The following WNT2B variants were observed in gnomAD, a reference collection of about 807,000 sequenced individuals.
The protein encoded by WNT2B is Wnt family member 2B.
WNT2B carries 19 observed loss-of-function variants against 40.5 expected under a neutral mutation model. The ratio of observed to expected loss-of-function variants is 0.47; its 90% CI spans 0.33 to 0.69. WNT2B has a LOEUF of 0.69. Among genes scored for constraint, WNT2B ranks in the 30% least tolerant of loss-of-function variants. WNT2B has a pLI of 0.02. For synonymous variants in WNT2B, 220 were observed against 211.9 expected (o/e 1.04, Z -0.33); for missense variants, 467 against 556.4 (o/e 0.84, Z 1.62).
At position 112,520,479 on chromosome 1, in the gene WNT2B, C is replaced by G. The variant is rs1652813354; in HGVS notation, c.1146C>G (p.Pro382=). The stretch of plus-strand genomic sequence containing the variant: ...TGGACGTCCATACTTGCAAAGCCCC[C>G]AAGAAGGCAGAGTGGCTGGACCAAA... ...NTVDVHTCKA[P]KKAEWLDQT The change falls in exon 5 of 5, where the codon CCC becomes CCG. Residue 382 remains proline, a synonymous_variant. Transcript: ENST00000369684. The G allele has an allele frequency of 6.2e-7, 1 of 1,614,160 alleles. No individual in the cohort carries two copies. Among genetic ancestry groups the G allele is most frequent in the Non-Finnish European group, 8.5e-7 (1 of 1,180,008 alleles).
In WNT2B at chr1:112,526,240, CTT is replaced by C; in HGVS notation, c.*5734_*5735del. Reference sequence around the variant, plus strand: ...TCCTGAACCTTATCAACCAATGGCTCTTTTGCCATTTCTGCCACTATTACCAC... The same window carrying C: ...TCCTGAACCTTATCAACCAATGGCTCTTGCCATTTCTGCCACTATTACCAC... On this transcript the variant is annotated 3_prime_UTR_variant, in exon 5 of 5. Coordinates refer to ENST00000369684, the MANE Select transcript of WNT2B (RefSeq NM_024494.3). 1 of 1,290,998 alleles carries C rather than the reference CTT, an allele frequency of 7.7e-7. No individual in the cohort carries two copies. The highest frequency in any genetic ancestry group is 1.1e-6 in the Non-Finnish European group (1 of 940,102). The allele number at this position is 1,290,998 out of a possible 1,614,324, so 80.0% of individuals were successfully genotyped here.
chr1:112,468,549 C>T (rs991612227), intron 1 of WNT2B, among the ~76,000 whole-genome samples: 1 of 152,090 alleles, frequency 6.6e-6, no homozygotes, highest in African/African-American at 2.4e-5. Context: ...CCTAATGATT[C>T]ATGACATTGA....
At chr1:112,496,239 C>T (rs572404204) in intron 1 of WNT2B, among the ~76,000 whole-genome samples, 7 of 152,244 alleles carry the variant, frequency 4.6e-5, no homozygotes, top group African/African-American at 9.6e-5. Flanking sequence ...TTTAGCCTCC[C>T]GAGTAGCTAG....
intron 1 of WNT2B, among the ~76,000 whole-genome samples, chr1:112,473,228 G>A (rs1347654989): frequency 2.1e-5 from 3 of 143,834 alleles, no homozygotes; most frequent in Non-Finnish European, 4.6e-5. Context: ...GGAAAGGAAG[G>A]AAGGAAGGAA....
chr1:112,472,233 A>T (rs1650902417), intron 1 of WNT2B, among the ~76,000 whole-genome samples: 1 of 152,180 alleles, frequency 6.6e-6, no homozygotes, highest in Non-Finnish European at 1.5e-5. Flanking sequence ...GAGTCTTGGG[A>T]GGGAAGAGTA....
intron 1 of WNT2B, among the ~76,000 whole-genome samples, chr1:112,494,623 A>G (rs1651710516): frequency 6.6e-6 from 1 of 151,558 alleles, no homozygotes; most frequent in Non-Finnish European, 1.5e-5. Flanking sequence ...ATTGAGATAT[A>G]AAAACCACTA....
chr1:112,486,479 CTA>C (rs1651421982), intron 1 of WNT2B, among the ~76,000 whole-genome samples: 1 of 152,060 alleles, frequency 6.6e-6, no homozygotes, highest in African/African-American at 2.4e-5. Flanking sequence ...ACCAAAAGCA[CTA>C]CCCATAAAGA....
intron 1 of WNT2B, among the ~76,000 whole-genome samples, chr1:112,499,815 C>A (rs781728571): frequency 1.3e-5 from 2 of 152,188 alleles, no homozygotes; most frequent in Non-Finnish European, 2.9e-5. Context: ...AATCATCCAA[C>A]AATCATATAT....
intron 1 of WNT2B, among the ~76,000 whole-genome samples, chr1:112,481,885 G>A (rs1291656672): frequency 4.0e-5 from 6 of 151,848 alleles, no homozygotes; most frequent in South Asian, 2.1e-4. Flanking sequence ...GGTGGCTCAC[G>A]TCTGTAATCC....
intron 1 of WNT2B, among the ~76,000 whole-genome samples, chr1:112,513,550 G>T (rs539859277): frequency 6.7e-6 from 1 of 149,424 alleles, no homozygotes; most frequent in East Asian, 2.0e-4. Flanking sequence ...ATGCAGGGGG[G>T]TGGTGGGGGG....
At chr1:112,489,720 G>A (rs1651539395) in intron 1 of WNT2B, among the ~76,000 whole-genome samples, 1 of 152,096 alleles carries the variant, frequency 6.6e-6, no homozygotes, top group African/African-American at 2.4e-5. Context: ...ATCATGTGTG[G>A]GAGCAGATGT....
intron 1 of WNT2B, among the ~76,000 whole-genome samples, chr1:112,503,714 A>C (rs941477617): frequency 2.0e-5 from 3 of 152,178 alleles, no homozygotes; most frequent in African/African-American, 7.2e-5. Flanking sequence ...ACAGGGATTC[A>C]GAAAGAGAAG....
In WNT2B at chr1:112,524,151, C is replaced by T. The variant is rs535595276; in HGVS notation, c.*3642C>T. ...GAGTAATTTCTTCTCCTTTGTCTCA[C>T]TTCCCTTATCAAGAACACCAACCAG... On this transcript the variant is annotated 3_prime_UTR_variant, in exon 5 of 5. Coordinates refer to ENST00000369684, the MANE Select transcript of WNT2B (RefSeq NM_024494.3). 1 of 152,744 alleles carries T rather than the reference C, an allele frequency of 6.5e-6. No individual in the cohort carries two copies. The highest frequency in any genetic ancestry group is 1.9e-4 in the East Asian group (1 of 5,188). The allele number at this position is 152,744 out of a possible 1,614,324, so 9.5% of individuals were successfully genotyped here.
chr1:112,491,146 G>A lies in WNT2B; in HGVS notation c.-95+23555G>A, dbSNP rs147013792. On this transcript the variant is annotated intron_variant, in intron 1 of 4. Transcript: ENST00000256640. ...AATAAATTGGCCTGCACGGTGGCTC[G>A]TGCCTGTAATCCCAGCACTTTCAGA... is the stretch of plus-strand genomic sequence containing the variant. The A allele has an allele frequency of 7.4e-6, 11 of 1,494,158 alleles. No homozygotes were observed. In the East Asian group the frequency reaches 9.6e-5, roughly 13 times the overall value. 92.6% of individuals were successfully genotyped at this position (1,494,158 alleles called of 1,614,324 possible). A position where few individuals can be genotyped will look rare whatever the true frequency, so the allele number is the denominator to read the frequency against.
At chr1:112,467,541 T>C (rs748359981) in exon 1 of WNT2B, 1 of 780,912 alleles carries the variant, frequency 1.3e-6, no homozygotes, top group Non-Finnish European at 2.4e-6. Context: ...TTCCCACATG[T>C]TGGATGGCCT....
intron 1 of WNT2B, among the ~76,000 whole-genome samples, chr1:112,473,922 G>T (rs185446963): frequency 0.065 from 9,813 of 150,342 alleles, 419 homozygotes; most frequent in Middle Eastern, 0.12. Context: ...AAAATTAGCC[G>T]GGCGTGGTGG....
chr1:112,478,811 T>C (rs1557907697), intron 1 of WNT2B, among the ~76,000 whole-genome samples: 1 of 152,126 alleles, frequency 6.6e-6, no homozygotes, highest in Non-Finnish European at 1.5e-5. Context: ...TAGTCCCAGA[T>C]ACCAGGGAGG....
chr1:112,515,036 C>A lies in WNT2B; in HGVS notation c.345C>A (p.Arg115=). 6.2e-7 allele frequency: 1 copy of A among 1,614,238 alleles called. No individual in the cohort carries two copies. The highest frequency in any genetic ancestry group is 1.1e-5 in the South Asian group (1 of 91,088). The change falls in exon 2 of 5, where the codon CGC becomes CGA. Residue 115 remains arginine, a synonymous_variant. Coordinates refer to ENST00000369684, the MANE Select transcript of WNT2B (RefSeq NM_024494.3). This position sits in a 1 kb window ranked among gnomAD's most constrained non-coding sequence, Gnocchi z 4.4. ...GTCAGCACCAATTCCGCCACCACCG[C>A]TGGAACTGTACCACCCTGGACCGGG... ...RECQHQFRHH[R]WNCTTLDRDH...
chr1:112,502,072 C>T (rs1453701409), intron 1 of WNT2B, among the ~76,000 whole-genome samples: 1 of 152,264 alleles, frequency 6.6e-6, no homozygotes, highest in Non-Finnish European at 1.5e-5. Flanking sequence ...TCAGCGTTCT[C>T]CTCCGGGGCT....
Sources: gnomAD v4.1 joint callset for allele counts (sites outside exome capture counted in the v4.1 genomes callset) on GRCh38, gnomAD v4.1.1 for gene constraint, Gnocchi (gnomAD v3.1) non-coding constraint, MANE v1.5 for transcripts, NCBI Gene and HGNC (gene_info 2026-07-23, HGNC 2026-07-21) for gene names.